The following DYNC1I1 variants were observed in gnomAD, a reference collection of about 807,000 sequenced individuals.
DYNC1I1 encodes the protein dynein cytoplasmic 1 intermediate chain 1.
Under a neutral mutation model 86.6 loss-of-function variants are expected in DYNC1I1, and 43 were observed. The observed-to-expected ratio is 0.50, with a 90% CI of 0.39 to 0.64. DYNC1I1 has a LOEUF of 0.64. Ranked by LOEUF, DYNC1I1 falls within the 30% of genes least tolerant of loss-of-function variation. The pLI is 0.00. For synonymous variants in DYNC1I1, 262 were observed against 283.7 expected (o/e 0.92, Z 0.77); for missense variants, 604 against 788.8 (o/e 0.77, Z 2.81).
intron 5 of DYNC1I1, among the ~76,000 whole-genome samples, chr7:95,865,450 A>T (rs1789993360): frequency 6.6e-6 from 1 of 152,016 alleles, no homozygotes; most frequent in Non-Finnish European, 1.5e-5. Flanking sequence ...TGCCTCAAAC[A>T]TTTATTTAGT....
chr7:95,827,230 T>C (rs1795220345), intron 4 of DYNC1I1, among the ~76,000 whole-genome samples: 1 of 152,220 alleles, frequency 6.6e-6, no homozygotes, highest in Non-Finnish European at 1.5e-5. Context: ...AAGTTTGTGC[T>C]GTCCATTAGT....
intron 14 of DYNC1I1, among the ~76,000 whole-genome samples, chr7:96,053,951 G>A (rs1165975482): frequency 6.6e-6 from 1 of 152,100 alleles, no homozygotes; most frequent in Non-Finnish European, 1.5e-5. Flanking sequence ...GAATTTTGTA[G>A]TGGAAAAATA....
chr7:95,831,800 T>C (rs1254524287), intron 5 of DYNC1I1, among the ~76,000 whole-genome samples: 1 of 152,290 alleles, frequency 6.6e-6, no homozygotes, highest in South Asian at 2.1e-4. Flanking sequence ...TCTTTGGAGA[T>C]AAGTCTATTT....
chr7:95,789,851 A>G (rs1353318172), intron 1 of DYNC1I1, among the ~76,000 whole-genome samples: 1 of 152,250 alleles, frequency 6.6e-6, no homozygotes, highest in African/African-American at 2.4e-5. Context: ...ACTGCAAGTA[A>G]CAATTATAAA....
chr7:96,101,272 A>G (rs1321897182), downstream of DYNC1I1, among the ~76,000 whole-genome samples: 1 of 152,200 alleles, frequency 6.6e-6, no homozygotes, highest in East Asian at 1.9e-4. Context: ...TTCTATGACC[A>G]AAAACATAGA....
rs565211340 is a variant in DYNC1I1 at position 95,957,571 on chromosome 7, A to G, written c.491-19941A>G. Reference sequence around the variant, plus strand: ...GTTCTTGATTGGGCTCCCATCCATCAGAAGAAGGAGGAATTTCTGGCCCTA... The same window carrying G: ...GTTCTTGATTGGGCTCCCATCCATCGGAAGAAGGAGGAATTTCTGGCCCTA... On this transcript the variant is annotated intron_variant, in intron 6 of 16. Coordinates refer to ENST00000447467, the MANE Select transcript of DYNC1I1 (RefSeq NM_001135556.2). Among the ~76,000 whole-genome samples, 7 of 152,310 alleles carry G rather than the reference A, an allele frequency of 4.6e-5. No individual in the cohort carries two copies. The South Asian group carries it at 8.3e-4, about 18-fold the overall frequency.
At chr7:96,062,351 C>T (rs1241522305) in intron 14 of DYNC1I1, among the ~76,000 whole-genome samples, 1 of 152,088 alleles carries the variant, frequency 6.6e-6, no homozygotes, top group African/African-American at 2.4e-5. Context: ...TTGCTAATGA[C>T]CTCTGGTTTT....
chr7:95,880,643 T>C, intron 6 of DYNC1I1, among the ~76,000 whole-genome samples: 1 of 4,822 alleles, frequency 2.1e-4, no homozygotes, highest in Non-Finnish European at 4.2e-3. Context: ...CTTCTTACTT[T>C]TTTTTTTTTT....
chr7:95,858,375 A>C (rs1270286394), intron 5 of DYNC1I1, among the ~76,000 whole-genome samples: 1 of 152,172 alleles, frequency 6.6e-6, no homozygotes, highest in African/African-American at 2.4e-5. Context: ...TAATCATGAG[A>C]TGTATGTGGC....
chr7:96,036,857 G>T (rs1448601277), intron 13 of DYNC1I1, among the ~76,000 whole-genome samples: 1 of 152,154 alleles, frequency 6.6e-6, no homozygotes, highest in African/African-American at 2.4e-5. Context: ...GTTTGGACTA[G>T]ATTGTAAAAT....
At chr7:95,862,165 A>C (rs1279454476) in intron 5 of DYNC1I1, among the ~76,000 whole-genome samples, 1 of 152,190 alleles carries the variant, frequency 6.6e-6, no homozygotes, top group Non-Finnish European at 1.5e-5. Flanking sequence ...ATATGTTACC[A>C]AAAGCACAAG....
At chr7:95,802,117 C>G (rs142121463) in intron 1 of DYNC1I1, among the ~76,000 whole-genome samples, 2 of 152,026 alleles carry the variant, frequency 1.3e-5, no homozygotes. Flanking sequence ...CACTTCTCCC[C>G]CCATCTGTAG....
intron 6 of DYNC1I1, among the ~76,000 whole-genome samples, chr7:95,961,449 A>G (rs564117181): frequency 6.6e-6 from 1 of 152,310 alleles, no homozygotes; most frequent in African/African-American, 2.4e-5. Flanking sequence ...ACAACATGCT[A>G]TGTGGTTTGC....
chr7:95,968,083 G>A (rs6943942), intron 6 of DYNC1I1, among the ~76,000 whole-genome samples: 118 of 152,106 alleles, frequency 7.8e-4, no homozygotes, highest in African/African-American at 2.8e-3. Context: ...GTTTGAAGAG[G>A]ATTGATCAGA....
intron 8 of DYNC1I1, among the ~76,000 whole-genome samples, chr7:95,986,117 G>A (rs985889246): frequency 4.7e-5 from 7 of 149,222 alleles, no homozygotes; most frequent in African/African-American, 4.9e-5. Flanking sequence ...AAAAAAAAAT[G>A]TCATATTAGG....
chr7:95,958,388 C>G (rs975962612), intron 6 of DYNC1I1, among the ~76,000 whole-genome samples: 1 of 152,030 alleles, frequency 6.6e-6, no homozygotes, highest in African/African-American at 2.4e-5. Context: ...GTCAAGAGTT[C>G]AAGACCAGCC....
intron 2 of DYNC1I1, among the ~76,000 whole-genome samples, chr7:95,808,241 G>A (rs537702857): frequency 6.6e-6 from 1 of 152,026 alleles, no homozygotes; most frequent in South Asian, 2.1e-4. Context: ...ACTTTCTTTA[G>A]GCTTATATTT....
intron 14 of DYNC1I1, among the ~76,000 whole-genome samples, chr7:96,067,761 C>A (rs1790037723): frequency 6.6e-6 from 1 of 152,110 alleles, no homozygotes. Context: ...TTGGTGAATC[C>A]TTTCTTTTGC....
chr7:96,023,191 A>G (rs1405687805), intron 10 of DYNC1I1, among the ~76,000 whole-genome samples: 3 of 150,086 alleles, frequency 2.0e-5, no homozygotes, highest in Non-Finnish European at 4.4e-5. Context: ...TTTTTAGGCA[A>G]ATAAAACGTC....
Sources: allele counts gnomAD v4.1 joint callset (sites outside exome capture counted in the v4.1 genomes callset), GRCh38; gene constraint gnomAD v4.1.1; transcripts MANE v1.5; gene names NCBI Gene and HGNC (gene_info 2026-07-23, HGNC 2026-07-21).